DNM3: variants seen among roughly 807,000 people sequenced by gnomAD.
DNM3 encodes the protein dynamin 3.
In DNM3, 47 loss-of-function variants were observed where a neutral mutation model predicts 101.6. The observed-to-expected ratio is 0.46, with a 90% confidence interval of 0.37 to 0.59. DNM3 has a LOEUF of 0.59. Ranked by LOEUF, DNM3 falls within the 20% of genes least tolerant of loss-of-function variation. The probability of loss-of-function intolerance (pLI) is 0.00; values close to 1 mark genes in which losing one functional copy is unlikely to be tolerated. For synonymous variants in DNM3, 385 were observed against 387.9 expected (o/e 0.99, Z 0.09); for missense variants, 849 against 1,085.7 (o/e 0.78, Z 3.06).
intron 8 of DNM3, among the ~76,000 whole-genome samples, chr1:172,043,336 T>C (rs932597073): frequency 1.3e-5 from 2 of 152,086 alleles, no homozygotes; most frequent in Non-Finnish European, 2.9e-5. Context: ...AGGAGTTCTG[T>C]TTTGGATGTG....
intron 4 of DNM3, among the ~76,000 whole-genome samples, chr1:172,030,118 A>T (rs999988988): frequency 1.3e-5 from 2 of 152,194 alleles, no homozygotes; most frequent in African/African-American, 2.4e-5. Context: ...AAGCAAAAAG[A>T]ACAAAGCTGG....
chr1:172,396,747 A>T (rs1316283633), intron 20 of DNM3, among the ~76,000 whole-genome samples: 1 of 152,212 alleles, frequency 6.6e-6, no homozygotes, highest in Non-Finnish European at 1.5e-5. Context: ...ATGAGGTAAC[A>T]TTATCTAAAT....
intron 1 of DNM3, among the ~76,000 whole-genome samples, chr1:171,907,483 C>A (rs1260862739): frequency 2.0e-5 from 3 of 150,698 alleles, no homozygotes; most frequent in African/African-American, 7.4e-5. Flanking sequence ...AAGAGTGAGA[C>A]TCCGTCACAG....
chr1:172,109,207 A>T (rs2055279533), intron 13 of DNM3, among the ~76,000 whole-genome samples: 1 of 152,214 alleles, frequency 6.6e-6, no homozygotes, highest in African/African-American at 2.4e-5. Context: ...TTTCTTAATA[A>T]AGCTATGGAA....
chr1:172,137,641 A>T (rs1182565749), intron 14 of DNM3: 1 of 152,180 alleles, frequency 6.6e-6, no homozygotes, highest in East Asian at 1.9e-4. Context: ...AAAGTGTTTA[A>T]TTGTTAAATG....
At chr1:172,108,045 C>G (rs1470234011) in intron 13 of DNM3, among the ~76,000 whole-genome samples, 6 of 151,994 alleles carry the variant, frequency 3.9e-5, no homozygotes, top group Admixed American at 3.9e-4. Context: ...ACTCAGGACT[C>G]TGCTGTATCT....
At chr1:172,277,970 T>C (rs1456504121) in intron 15 of DNM3, among the ~76,000 whole-genome samples, 1 of 152,098 alleles carries the variant, frequency 6.6e-6, no homozygotes, top group Non-Finnish European at 1.5e-5. Context: ...AAAAAATTAG[T>C]CTGTTCCTAA....
At chr1:171,955,971 C>G (rs1205618741) in intron 2 of DNM3, among the ~76,000 whole-genome samples, 1 of 152,144 alleles carries the variant, frequency 6.6e-6, no homozygotes, top group Non-Finnish European at 1.5e-5. Context: ...ATCACGAGAA[C>G]AGCATGAGAA....
At chr1:172,168,065 T>A (rs1032997827) in intron 14 of DNM3, among the ~76,000 whole-genome samples, 2 of 152,058 alleles carry the variant, frequency 1.3e-5, no homozygotes, top group Admixed American at 1.3e-4. Flanking sequence ...CATTCATGGA[T>A]GTTATGCTAT....
rs563368766 is a variant in DNM3, at chr1:172,234,029, A to T, written c.1660-19544A>T. The stretch of plus-strand genomic sequence containing the variant: ...CACTCCTATTCAACATAGTGTTGGA[A>T]GTTCTGGCCAGGGCAATCAGGCAGG... On this transcript the variant is annotated intron_variant, in intron 14 of 20. Transcript: ENST00000627582. 4.1e-3 allele frequency among the ~76,000 whole-genome samples: 629 copies of T among 152,278 alleles called. 2 individuals are homozygous for T. The highest frequency in any genetic ancestry group is 0.014 in the African/African-American group (563 of 41,538).
At chr1:171,878,054 C>T (rs1049252834) in intron 1 of DNM3, among the ~76,000 whole-genome samples, 3 of 151,910 alleles carry the variant, frequency 2.0e-5, no homozygotes, top group African/African-American at 7.3e-5. Flanking sequence ...CTTTGGCTGA[C>T]AAAAGTGATT....
At chr1:172,101,114 A>G (rs1406605877) in intron 13 of DNM3, among the ~76,000 whole-genome samples, 1 of 152,220 alleles carries the variant, frequency 6.6e-6, no homozygotes, top group East Asian at 1.9e-4. Flanking sequence ...TGCTGGAAGA[A>G]GAAAGGATAG....
intron 9 of DNM3, among the ~76,000 whole-genome samples, chr1:172,047,354 T>G (rs948883474): frequency 3.3e-5 from 5 of 152,122 alleles, no homozygotes; most frequent in Non-Finnish European, 7.3e-5. Context: ...AGAAGGAAGG[T>G]CTCAGCAGCA....
At chr1:171,931,859 T>C (rs2041030370) in intron 2 of DNM3, among the ~76,000 whole-genome samples, 1 of 152,210 alleles carries the variant, frequency 6.6e-6, no homozygotes, top group Admixed American at 6.5e-5. Flanking sequence ...TAGAAAAATT[T>C]TGTAAAGATG....
chr1:172,002,737 GA>G lies in DNM3; in HGVS notation c.589+13596del, dbSNP rs567968031. ...ATGATATGATTATAAAATTTACTGT[GA>G]AAAAAAGGAAGAATATTTTTAGGAC... is the stretch of plus-strand genomic sequence containing the variant. On this transcript the variant is annotated intron_variant, in intron 4 of 20. Transcript: ENST00000627582. 1.6e-3 allele frequency among the ~76,000 whole-genome samples: 248 copies of G among 151,950 alleles called. 3 individuals are homozygous for G. Among genetic ancestry groups the G allele is most frequent in the Non-Finnish European group, 3.1e-3 (209 of 67,894 alleles).
At chr1:171,873,554 G>A (rs751398007) in intron 1 of DNM3, among the ~76,000 whole-genome samples, 57 of 152,074 alleles carry the variant, frequency 3.7e-4, no homozygotes, top group Non-Finnish European at 4.6e-4. Context: ...AGGCAAAGCA[G>A]GGTAAGGGGG....
intron 1 of DNM3, among the ~76,000 whole-genome samples, chr1:171,899,816 A>G (rs565012400): frequency 3.9e-4 from 59 of 152,332 alleles, no homozygotes; most frequent in African/African-American, 1.4e-3. Flanking sequence ...AGTGGGTTCT[A>G]TAGTAAAGGT....
intron 11 of DNM3, among the ~76,000 whole-genome samples, chr1:172,078,431 G>C (rs926497980): frequency 6.6e-6 from 1 of 151,930 alleles, no homozygotes; most frequent in Non-Finnish European, 1.5e-5. Flanking sequence ...TCAGCAACTA[G>C]GATTGCAACC....
At chr1:171,922,224 G>T (rs1239086886) in intron 2 of DNM3, among the ~76,000 whole-genome samples, 1 of 151,900 alleles carries the variant, frequency 6.6e-6, no homozygotes, top group Non-Finnish European at 1.5e-5. Flanking sequence ...ATATCTGTAT[G>T]GATGTGTATG....
Sources: gnomAD v4.1 joint callset for allele counts (sites outside exome capture counted in the v4.1 genomes callset) on GRCh38, gnomAD v4.1.1 for gene constraint, MANE v1.5 for transcripts, NCBI Gene and HGNC (gene_info 2026-07-23, HGNC 2026-07-21) for gene names.